The following PRPF38B variants were observed in gnomAD, a reference collection of about 807,000 sequenced individuals.
The protein encoded by PRPF38B is pre-mRNA processing factor 38B.
In PRPF38B, 18 loss-of-function variants were observed where a neutral mutation model predicts 67.2. The observed-to-expected ratio is 0.27, with a 90% CI of 0.19 to 0.40. The LOEUF (loss-of-function observed/expected upper bound fraction) is 0.40. Ranked by LOEUF, PRPF38B falls within the 10% of genes least tolerant of loss-of-function variation. PRPF38B has a pLI of 1.00. For missense variants in PRPF38B, 544 were observed against 684.9 expected (o/e 0.79, Z 2.30); for synonymous variants, 246 against 234.2 (o/e 1.05, Z -0.46).
chr1:108,699,787 C>G lies in PRPF38B; in HGVS notation c.1408C>G (p.Arg470Gly), dbSNP rs777046770. 6.2e-7 allele frequency: 1 copy of G among 1,612,722 alleles called. No individual in the cohort carries two copies. Among genetic ancestry groups the G allele is most frequent in the African/African-American group, 1.3e-5 (1 of 74,716 alleles). Reference protein sequence around the residue: ...KNESKEKSNKRSRSGSQGRTD... With the variant: ...KNESKEKSNKGSRSGSQGRTD... ...TGAAAGTAAAGAAAAATCAAATAAA[C>G]GAAGTCGAAGTGGCAGTCAAGGAAG... is the stretch of plus-strand genomic sequence containing the variant. The change falls in exon 6 of 6, where the codon CGA becomes GGA. Residue 470 changes from arginine to glycine, a missense_variant. Transcript: ENST00000370025.
At chr1:108,699,115 A>T in intron 5 of PRPF38B, 47 bp from the exon 6 acceptor site, 2 of 1,541,596 alleles carry the variant, frequency 1.3e-6, no homozygotes, top group Non-Finnish European at 1.7e-6. Flanking sequence ...AAAGAATTGC[A>T]TATGTTTTAT....
In PRPF38B at chr1:108,699,727, A is replaced by G; in HGVS notation, c.1348A>G (p.Ser450Gly). The part of the protein sequence containing the change: ...RSRNAGKRSR[S>G]RSKEKSSKHK... Reference sequence around the variant, plus strand: ...TAGAAATGCAGGGAAACGAAGTAGAAGTAGAAGCAAAGAGAAATCAAGTAA... The same window carrying G: ...TAGAAATGCAGGGAAACGAAGTAGAGGTAGAAGCAAAGAGAAATCAAGTAA... The change falls in exon 6 of 6, where the codon AGT becomes GGT. Residue 450 changes from serine (S) to glycine (G), a missense_variant. By Grantham distance (56) the Ser-to-Gly change is moderately conservative. This residue lies in a region of PRPF38B where 387 missense variants were observed against 386.1 expected (regional missense o/e 1.00). Transcript: ENST00000370025. The G allele has an allele frequency of 6.2e-7, 1 of 1,613,596 alleles. No homozygotes were observed. Among genetic ancestry groups the G allele is most frequent in the Non-Finnish European group, 8.5e-7 (1 of 1,179,730 alleles).
chr1:108,698,840 T>G lies in PRPF38B; in HGVS notation c.782+13T>G. On this transcript the variant is annotated intron_variant, in intron 5 of 5. Coordinates refer to ENST00000370025, the MANE Select transcript of PRPF38B (RefSeq NM_018061.4). Reference sequence around the variant, plus strand: ...GCAGACGTTCAAGGTAATGTCACTCTTGAATTATGCTTATTTTTCATATAT... The same window carrying G: ...GCAGACGTTCAAGGTAATGTCACTCGTGAATTATGCTTATTTTTCATATAT... 6.3e-7 allele frequency: 1 copy of G among 1,585,810 alleles called. No homozygotes were observed. Among genetic ancestry groups the G allele is most frequent in the Non-Finnish European group, 8.6e-7 (1 of 1,156,746 alleles).
rs1399129794 is a variant in PRPF38B, at chr1:108,701,627, A to T, written c.*1607A>T. 6.6e-6 allele frequency: 1 copy of T among 152,226 alleles called. No individual in the cohort carries two copies. Among genetic ancestry groups the T allele is most frequent in the Non-Finnish European group, 1.5e-5 (1 of 68,054 alleles). 9.4% of individuals were successfully genotyped at this position (152,226 alleles called of 1,614,324 possible). On this transcript the variant is annotated 3_prime_UTR_variant, in exon 6 of 6. Transcript: ENST00000370025. ...ACAGTGTAGTGAACCTGGCACGCAC[A>T]TTGAGGTTTGTTTTATCTCACTGGT...
chr1:108,692,960 T>C (rs1030555736), intron 1 of PRPF38B, 93 bp downstream of exon 1: 19 of 1,477,444 alleles, frequency 1.3e-5, no homozygotes, highest in Non-Finnish European at 1.6e-5. Context: ...TCTGAAGATT[T>C]GTGGGTGGGG....
chr1:108,698,533 AT>A, intron 4 of PRPF38B, 70 bp from the exon 5 acceptor site: 1 of 1,095,028 alleles, frequency 9.1e-7, no homozygotes, highest in Non-Finnish European at 1.3e-6. Context: ...AGATGGTAAT[AT>A]TTTTATAATA....
At chr1:108,694,649 T>TA (rs1244735166) in intron 1 of PRPF38B, among the ~76,000 whole-genome samples, 2 of 152,232 alleles carry the variant, frequency 1.3e-5, no homozygotes, top group Admixed American at 1.3e-4. Context: ...TGCTTAAACT[T>TA]ACATGCACGC....
chr1:108,699,487 T>A lies in PRPF38B; in HGVS notation c.1108T>A (p.Tyr370Asn). The A allele has an allele frequency of 1.3e-6, 2 of 1,595,230 alleles. No homozygotes were observed. The highest frequency in any genetic ancestry group is 1.7e-6 in the Non-Finnish European group (2 of 1,170,672). Reference sequence around the variant, plus strand: ...GAGAGGTAGAAGACGAGATCGTGACTATGATAAGGAAAGAGGAAATGAACG... The same window carrying A: ...GAGAGGTAGAAGACGAGATCGTGACAATGATAAGGAAAGAGGAAATGAACG... Reference protein sequence around the residue: ...NERGRRRDRDYDKERGNEREK... With the variant: ...NERGRRRDRDNDKERGNEREK... The change falls in exon 6 of 6, where the codon TAT becomes AAT. Residue 370 changes from tyrosine to asparagine, a missense_variant. By Grantham distance (143) the Tyr-to-Asn change is moderately radical. Transcript: ENST00000370025.
rs1180956504 is a variant in PRPF38B, at chr1:108,700,873, AGGGT to A, written c.*857_*860del. ...CCCTATACTAACATGTAATGGGGAG[AGGGT>A]GGGGCAGATGAGTAGAGAAACAGAT... On this transcript the variant is annotated 3_prime_UTR_variant, in exon 6 of 6. Coordinates refer to ENST00000370025, the MANE Select transcript of PRPF38B (RefSeq NM_018061.4). 1 of 152,330 alleles carries A rather than the reference AGGGT, an allele frequency of 6.6e-6. No individual in the cohort carries two copies. The highest frequency in any genetic ancestry group is 1.5e-5 in the Non-Finnish European group (1 of 68,026). The allele number at this position is 152,330 out of a possible 1,614,324, so 9.4% of individuals were successfully genotyped here.
rs1192046629 is a variant in PRPF38B at position 108,699,401 on chromosome 1, G to A, written c.1022G>A (p.Arg341Gln). Residue 341 changes from arginine (R) to glutamine (Q), a missense_variant, in exon 6 of 6, where the codon CGA (arginine) becomes CAA (glutamine). By Grantham distance (43) the Arg-to-Gln change is conservative. Around this residue, in one of 5 missense-constraint regions of PRPF38B, gnomAD observed 387 missense variants for 386.1 expected, o/e 1.00. Coordinates refer to ENST00000370025, the MANE Select transcript of PRPF38B (RefSeq NM_018061.4). ...RSRERHRSRS[R>Q]SRDRKGDRRD... ...AGGGAAAGGCATAGAAGTCGCAGTC[G>A]AAGTCGTGATAGGAAAGGGGATAGA... is the stretch of plus-strand genomic sequence containing the variant. 9 of 1,613,960 alleles carry A rather than the reference G, an allele frequency of 5.6e-6. No homozygotes were observed. In the Admixed American group the frequency reaches 6.7e-5, roughly 12 times the overall value.
chr1:108,692,988 G>C (rs1659471778), intron 1 of PRPF38B, 121 bp downstream of exon 1: 1 of 1,287,508 alleles, frequency 7.8e-7, no homozygotes, highest in Non-Finnish European at 1.1e-6. Flanking sequence ...GTTCGGCGGA[G>C]GGGTGGCTGC....
intron 4 of PRPF38B, chr1:108,698,396 G>GT: frequency 2.1e-6 from 1 of 471,248 alleles, no homozygotes; most frequent in Non-Finnish European, 3.7e-6. Context: ...CTTTATGCCT[G>GT]TGAGGCTGCA....
Position 108,702,152 on chromosome 1 carries a change from G to A in PRPF38B, c.*2132G>A, listed in dbSNP as rs572736419. Among the ~76,000 whole-genome samples, 34 of 152,284 alleles carry A rather than the reference G, an allele frequency of 2.2e-4. No individual in the cohort carries two copies. The highest frequency in any genetic ancestry group is 3.7e-4 in the Non-Finnish European group (25 of 68,022). ...TTAGTTTGTTTTTGTTTTGAGACGGGCCTGGCTCTGTCACCCAGACTGGAG... is the reference window on the plus strand; with the variant it reads ...TTAGTTTGTTTTTGTTTTGAGACGGACCTGGCTCTGTCACCCAGACTGGAG... On this transcript the variant is annotated 3_prime_UTR_variant, in exon 6 of 6. Coordinates refer to ENST00000370025, the MANE Select transcript of PRPF38B (RefSeq NM_018061.4).
At position 108,696,119 on chromosome 1, in the gene PRPF38B, C is replaced by G; in HGVS notation, c.422C>G (p.Thr141Ser). The G allele has an allele frequency of 6.2e-7, 1 of 1,613,942 alleles. No homozygotes were observed. Among genetic ancestry groups the G allele is most frequent in the Non-Finnish European group, 8.5e-7 (1 of 1,179,852 alleles). The change falls in exon 3 of 6, where the codon ACT becomes AGT. Residue 141 changes from threonine (T) to serine (S), a missense_variant. Transcript: ENST00000370025. The stretch of plus-strand genomic sequence containing the variant: ...TACAAATTATTTACCCTGAAGTTAA[C>G]TCGAAAGCAAGTGATGGGTCTTATA... Reference protein sequence around the residue: ...LLYKLFTLKLTRKQVMGLITH... With the variant: ...LLYKLFTLKLSRKQVMGLITH...
At position 108,699,421 on chromosome 1, in the gene PRPF38B, G is replaced by A. The variant is rs1281171641; in HGVS notation, c.1042G>A (p.Asp348Asn). 6 of 1,614,088 alleles carry A rather than the reference G, an allele frequency of 3.7e-6. No individual in the cohort carries two copies. Among genetic ancestry groups the A allele is most frequent in the Middle Eastern group, 1.6e-4 (1 of 6,062 alleles). Reference sequence around the variant, plus strand: ...CAGTCGAAGTCGTGATAGGAAAGGGGATAGAAGGGACAGGGATCGAGAAAG... The same window carrying A: ...CAGTCGAAGTCGTGATAGGAAAGGGAATAGAAGGGACAGGGATCGAGAAAG... ...SRSRSRDRKGDRRDRDREREK... is the reference protein window; with the variant it reads ...SRSRSRDRKGNRRDRDREREK... Residue 348 changes from aspartate (D) to asparagine (N), a missense_variant, in exon 6 of 6, where the codon GAT becomes AAT. By Grantham distance (23) the Asp-to-Asn change is conservative. This residue lies in a region of PRPF38B where 387 missense variants were observed against 386.1 expected (regional missense o/e 1.00). Coordinates refer to ENST00000370025, the MANE Select transcript of PRPF38B (RefSeq NM_018061.4).
intron 1 of PRPF38B, chr1:108,693,702 CTAAT>C (rs1659560172): frequency 2.2e-6 from 2 of 906,912 alleles, no homozygotes; most frequent in African/African-American, 1.8e-5. Context: ...AAATGAACGA[CTAAT>C]TAGATTTTTG....
intron 1 of PRPF38B, among the ~76,000 whole-genome samples, chr1:108,694,579 C>T (rs544005146): frequency 3.3e-5 from 5 of 152,230 alleles, no homozygotes; most frequent in Admixed American, 6.5e-5. Flanking sequence ...ATTGAAACAT[C>T]TTTTACATGG....
chr1:108,694,857 A>G (rs1437827670), intron 1 of PRPF38B, among the ~76,000 whole-genome samples: 2 of 152,016 alleles, frequency 1.3e-5, no homozygotes, highest in East Asian at 1.9e-4. Context: ...TGTTGTTGCT[A>G]TTTTTAGATA....
Position 108,696,093 on chromosome 1 carries a change from A to G in PRPF38B, c.396A>G (p.Leu132=), listed in dbSNP as rs771878804. 5.5e-5 allele frequency: 88 copies of G among 1,613,928 alleles called. No homozygotes were observed. The highest frequency in any genetic ancestry group is 7.0e-5 in the Non-Finnish European group (83 of 1,179,940). ...GGIVSTAFCL[L]YKLFTLKLTR... ...TTGTTTCTACAGCATTTTGCCTGTT[A>G]TACAAATTATTTACCCTGAAGTTAA... The change falls in exon 3 of 6, where the codon TTA becomes TTG. Residue 132 remains leucine, a synonymous_variant. Coordinates refer to ENST00000370025, the MANE Select transcript of PRPF38B (RefSeq NM_018061.4).
Sources: allele counts gnomAD v4.1 joint callset (sites outside exome capture counted in the v4.1 genomes callset), GRCh38; gene constraint gnomAD v4.1.1; regional missense constraint gnomAD v4.1.1; transcripts MANE v1.5; gene names NCBI Gene and HGNC (gene_info 2026-07-23, HGNC 2026-07-21).